OR56A3: variants seen among roughly 807,000 people sequenced by gnomAD.
The protein encoded by OR56A3 is olfactory receptor 56A3.
A neutral mutation model predicts 17.5 loss-of-function variants in OR56A3; 23 were observed. That is an observed-to-expected ratio of 1.32 (90% CI 0.95 to 1.87). OR56A3 has a LOEUF of 1.87. Ranked by LOEUF, OR56A3 falls within the 40% of genes most tolerant of loss-of-function variation. The pLI is 0.00. For missense variants in OR56A3, 366 were observed against 380.1 expected, an observed-to-expected ratio of 0.96 and a Z score of 0.31; for synonymous variants, 175 against 150.6, an observed-to-expected ratio of 1.16 and a Z score of -1.19.
Position 5,942,576 on chromosome 11 carries a change from C to CA in OR56A3, c.-314+205dup, listed in dbSNP as rs554696928. Among the ~76,000 whole-genome samples, 17 of 152,152 alleles carry CA rather than the reference C, an allele frequency of 1.1e-4. No individual in the cohort carries two copies. In the South Asian group the frequency reaches 3.5e-3, roughly 32 times the overall value. On this transcript the variant is annotated intron_variant, in intron 1 of 2. Coordinates refer to ENST00000641160, the MANE Select transcript of OR56A3 (RefSeq NM_001003443.3). ...ATATGGAAATTTAGTGGCTTGAAAA[C>CA]AAAGAATATGCCTACCAGTGTCTGA...
chr11:5,961,797 T>C, the OR56A3 span, among the ~76,000 whole-genome samples: 1 of 151,368 alleles, frequency 6.6e-6, no homozygotes, highest in Non-Finnish European at 1.5e-5. Context: ...ACTCTATATA[T>C]AACTTTGGGT....
the OR56A3 span, chr11:5,967,071 A>G: frequency 0.015 from 2,253 of 153,576 alleles, 48 homozygotes; most frequent in African/African-American, 0.05. Flanking sequence ...TTCACTCTAC[A>G]TAAGAATCAA....
the OR56A3 span, among the ~76,000 whole-genome samples, chr11:5,987,892 T>G: frequency 4.6e-5 from 7 of 152,038 alleles, no homozygotes; most frequent in South Asian, 8.3e-4. Flanking sequence ...AAGTCATGGG[T>G]TTTTTTTCTA....
rs1228709038 is a variant in OR56A3 at position 5,950,367 on chromosome 11, A to T, written c.*2073A>T. ...GTCTTGTCTTCCCAAAGAACATGGT[A>T]AAAAGTTCATATTTTAAAAGTATTT... On this transcript the variant is annotated 3_prime_UTR_variant, in exon 3 of 3. Transcript: ENST00000641160. 3 of 152,176 alleles carry T rather than the reference A, an allele frequency of 2.0e-5. No individual in the cohort carries two copies. The highest frequency in any genetic ancestry group is 6.5e-5 in the Admixed American group (1 of 15,280). 9.4% of individuals were successfully genotyped at this position (152,176 alleles called of 1,614,324 possible).
rs1183507165 is a variant in OR56A3 at position 5,950,584 on chromosome 11, A to C, written c.*2290A>C. 1 of 149,720 alleles carries C rather than the reference A, an allele frequency of 6.7e-6. No individual in the cohort carries two copies. The highest frequency in any genetic ancestry group is 1.9e-4 in the East Asian group (1 of 5,158). 9.3% of individuals were successfully genotyped at this position (149,720 alleles called of 1,614,324 possible). A position where few individuals can be genotyped will look rare whatever the true frequency, so the allele number is the denominator to read the frequency against. ...GCTGTGCAATATGAACCACATACTT[A>C]ATTTTAAACTTTTTAGTACACATGT... On this transcript the variant is annotated 3_prime_UTR_variant, in exon 3 of 3. Transcript: ENST00000641160.
chr11:6,015,314 T>G, the OR56A3 span, among the ~76,000 whole-genome samples: 103 of 152,312 alleles, frequency 6.8e-4, no homozygotes, highest in African/African-American at 2.4e-3. Context: ...CTGCACAGCC[T>G]GGGGACACTG....
chr11:6,014,333 C>A, the OR56A3 span, among the ~76,000 whole-genome samples: 1 of 149,152 alleles, frequency 6.7e-6, no homozygotes, highest in Non-Finnish European at 1.5e-5. Flanking sequence ...GATTGACTCA[C>A]GGGGGTGCTT....
downstream of OR56A3, among the ~76,000 whole-genome samples, chr11:5,955,336 T>C (rs113449629): frequency 0.011 from 1,601 of 152,264 alleles, 10 homozygotes; most frequent in Non-Finnish European, 0.014. Context: ...GGAAAACAAC[T>C]AAATGTAGAC....
the OR56A3 span, chr11:5,994,156 A>T: frequency 2.0e-6 from 1 of 507,902 alleles, no homozygotes; most frequent in Non-Finnish European, 3.9e-6. Context: ...GATCCCATTG[A>T]GCTGCTCCAT....
At chr11:5,968,567 A>G in the OR56A3 span, 2 of 1,083,456 alleles carry the variant, frequency 1.8e-6, no homozygotes, top group East Asian at 2.6e-5. Flanking sequence ...GAAATAGAAA[A>G]CAAAGCTGTT....
At chr11:5,976,412 T>C in the OR56A3 span, among the ~76,000 whole-genome samples, 1 of 152,220 alleles carries the variant, frequency 6.6e-6, no homozygotes. Context: ...AATTCTTTCC[T>C]TACGGTGTTT....
chr11:5,999,847 G>C, the OR56A3 span: 1 of 152,220 alleles, frequency 6.6e-6, no homozygotes, highest in Admixed American at 6.5e-5. Context: ...GACAGTGTCA[G>C]AGAAAGAAAT....
intron 1 of OR56A3, among the ~76,000 whole-genome samples, chr11:5,943,010 G>A (rs1847848242): frequency 6.6e-6 from 1 of 152,196 alleles, no homozygotes; most frequent in African/African-American, 2.4e-5. Flanking sequence ...GGCTGGAACT[G>A]GAAACCATTA....
chr11:5,984,464 T>A, the OR56A3 span, among the ~76,000 whole-genome samples: 1 of 152,122 alleles, frequency 6.6e-6, no homozygotes, highest in Non-Finnish European at 1.5e-5. Flanking sequence ...CTCTTCCATC[T>A]TCAGTTCACA....
the OR56A3 span, among the ~76,000 whole-genome samples, chr11:5,981,933 C>T: frequency 6.6e-6 from 1 of 152,144 alleles, no homozygotes; most frequent in Non-Finnish European, 1.5e-5. Context: ...GGCCATGGTT[C>T]AACTCAGCAC....
the OR56A3 span, among the ~76,000 whole-genome samples, chr11:6,012,703 G>A: frequency 1.3e-5 from 2 of 152,166 alleles, no homozygotes; most frequent in Admixed American, 6.5e-5. Flanking sequence ...GGCACCACAA[G>A]TCCTCACTCC....
In OR56A3 at chr11:5,951,079, A is replaced by T. The variant is rs534212905; in HGVS notation, c.*2785A>T. 16 of 152,268 alleles carry T rather than the reference A, an allele frequency of 1.1e-4. No individual in the cohort carries two copies. In the South Asian group the frequency reaches 1.7e-3, roughly 16 times the overall value. The allele number at this position is 152,268 out of a possible 1,614,324, so 9.4% of individuals were successfully genotyped here. ...AATGCTGCAATAACATGAGTGCTAAATCTTGGAAACCAAGGTGAGAAGATT... is the reference window on the plus strand; with the variant it reads ...AATGCTGCAATAACATGAGTGCTAATTCTTGGAAACCAAGGTGAGAAGATT... On this transcript the variant is annotated 3_prime_UTR_variant, in exon 3 of 3. Transcript: ENST00000641160.
At chr11:6,020,646 T>C in the OR56A3 span, 1 of 152,132 alleles carries the variant, frequency 6.6e-6, no homozygotes, top group East Asian at 1.9e-4. Flanking sequence ...TAGTGATTTT[T>C]GTACATTAAT....
chr11:5,975,161 C>T, the OR56A3 span, among the ~76,000 whole-genome samples: 7 of 152,172 alleles, frequency 4.6e-5, no homozygotes, highest in African/African-American at 1.2e-4. Flanking sequence ...GGGGCCTGGG[C>T]CTGGACCTGC....
Sources: gnomAD v4.1 joint callset for allele counts (sites outside exome capture counted in the v4.1 genomes callset) on GRCh38, gnomAD v4.1.1 for gene constraint, MANE v1.5 for transcripts, NCBI Gene and HGNC (gene_info 2026-07-23, HGNC 2026-07-21) for gene names.